The following SLC31A1 variants were observed in gnomAD, a reference collection of about 807,000 sequenced individuals.
The protein encoded by SLC31A1 is high affinity copper uptake protein 1.
In SLC31A1, 5 loss-of-function variants were observed where a neutral mutation model predicts 17.2. That is an observed-to-expected ratio of 0.29 (90% CI 0.15 to 0.61). The LOEUF (loss-of-function observed/expected upper bound fraction) is 0.61. SLC31A1 is among the 20% of genes least tolerant of loss of function. The pLI is 0.86. For synonymous variants in SLC31A1, 76 were observed against 78.8 expected, an observed-to-expected ratio of 0.96 and a Z score of 0.19; for missense variants, 161 against 241.4, an observed-to-expected ratio of 0.67 and a Z score of 2.21.
intron 1 of SLC31A1, chr9:113,227,257 T>G (rs904569322): frequency 6.6e-6 from 1 of 152,186 alleles, no homozygotes. Flanking sequence ...TTCTTTTTTC[T>G]TTTATTTTTT....
intron 1 of SLC31A1, among the ~76,000 whole-genome samples, chr9:113,253,870 CAGCT>C (rs1456623224): frequency 6.6e-6 from 1 of 151,498 alleles, no homozygotes; most frequent in African/African-American, 2.4e-5. Context: ...TTTCTTAAGC[CAGCT>C]GTCATAGAAC....
At chr9:113,240,855 G>T (rs555591959) in intron 1 of SLC31A1, among the ~76,000 whole-genome samples, 1 of 152,146 alleles carries the variant, frequency 6.6e-6, no homozygotes, top group South Asian at 2.1e-4. Flanking sequence ...TTTGAGACCA[G>T]CCTGGCCAAC....
In SLC31A1 at chr9:113,261,125, G is replaced by A. The variant is rs1477634927; in HGVS notation, c.*652G>A. The A allele has an allele frequency of 6.4e-6, 1 of 156,460 alleles. No individual in the cohort carries two copies. The highest frequency in any genetic ancestry group is 1.4e-5 in the Non-Finnish European group (1 of 70,570). 9.7% of individuals were successfully genotyped at this position (156,460 alleles called of 1,614,324 possible). The stretch of plus-strand genomic sequence containing the variant: ...AAAAATACAAAAATTAGCCGGGCAT[G>A]GTGGTGGGCGCCTGTAATCCCAGCT... On this transcript the variant is annotated 3_prime_UTR_variant, in exon 5 of 5. Coordinates refer to ENST00000374212, the MANE Select transcript of SLC31A1 (RefSeq NM_001859.4).
intron 1 of SLC31A1, among the ~76,000 whole-genome samples, chr9:113,250,439 A>G (rs1402579788): frequency 1.3e-5 from 2 of 150,392 alleles, no homozygotes; most frequent in African/African-American, 4.9e-5. Flanking sequence ...CAAAAAACCA[A>G]ACACCGCATA....
chr9:113,237,179 TTAGAGG>T (rs1398901706), intron 1 of SLC31A1, among the ~76,000 whole-genome samples: 1 of 152,156 alleles, frequency 6.6e-6, no homozygotes, highest in Non-Finnish European at 1.5e-5. Flanking sequence ...TTAGAGCCAC[TTAGAGG>T]TAGAGCAGCC....
Position 113,258,638 on chromosome 9 carries a change from G to T in SLC31A1, c.203-56G>T. ...TGTCTTTCTAGCTGGACAGCACATT[G>T]GCTAATGATTTTGCACATGTTTGAC... On this transcript the variant is annotated intron_variant, in intron 3 of 4. Coordinates refer to ENST00000374212, the MANE Select transcript of SLC31A1 (RefSeq NM_001859.4). This position sits in a 1 kb window ranked among gnomAD's most constrained non-coding sequence, Gnocchi z 4.8. 6.3e-7 allele frequency: 1 copy of T among 1,581,370 alleles called. No homozygotes were observed. The highest frequency in any genetic ancestry group is 1.1e-5 in the South Asian group (1 of 90,270).
intron 1 of SLC31A1, among the ~76,000 whole-genome samples, chr9:113,251,384 T>C (rs1831650224): frequency 1.3e-5 from 2 of 151,856 alleles, no homozygotes; most frequent in Non-Finnish European, 2.9e-5. Flanking sequence ...ATGGCACCAC[T>C]GCACTCTAGC....
chr9:113,253,332 T>G (rs991025208), intron 1 of SLC31A1, among the ~76,000 whole-genome samples: 3 of 152,168 alleles, frequency 2.0e-5, no homozygotes, highest in Non-Finnish European at 2.9e-5. Flanking sequence ...GATCTCTCCA[T>G]CCTACCATAA....
At chr9:113,251,864 A>C (rs140569036) in intron 1 of SLC31A1, among the ~76,000 whole-genome samples, 3,139 of 152,300 alleles carry the variant, frequency 0.021, 56 homozygotes, top group Non-Finnish European at 0.029. Context: ...TTGAGCCTAC[A>C]GTGTATGTTT....
chr9:113,244,535 A>G (rs1564212054), intron 1 of SLC31A1, among the ~76,000 whole-genome samples: 1 of 152,210 alleles, frequency 6.6e-6, no homozygotes, highest in Non-Finnish European at 1.5e-5. Flanking sequence ...AGAGAGAATA[A>G]TATAAGGATT....
chr9:113,243,532 G>C (rs556812901), intron 1 of SLC31A1, among the ~76,000 whole-genome samples: 1 of 140,844 alleles, frequency 7.1e-6, no homozygotes, highest in South Asian at 2.4e-4. Flanking sequence ...ACCTTCAACC[G>C]ATATCTGGAG....
chr9:113,252,945 T>C (rs1831672582), intron 1 of SLC31A1, among the ~76,000 whole-genome samples: 2 of 133,482 alleles, frequency 1.5e-5, no homozygotes, highest in South Asian at 5.2e-4. Context: ...TCTTTTCTTT[T>C]CTTTTTTTCT....
rs1258393309 is a variant in SLC31A1 at position 113,261,262 on chromosome 9, C to CA, written c.*798dup. 5.3e-5 allele frequency: 8 copies of CA among 150,614 alleles called. No homozygotes were observed. The highest frequency in any genetic ancestry group is 7.4e-5 in the Non-Finnish European group (5 of 67,828). 9.3% of individuals were successfully genotyped at this position (150,614 alleles called of 1,614,324 possible). ...GGGTGACAAGAGTGAAACTCCATCT[C>CA]AAAAAAAAAGAAAAGAAGGTCCAGC... On this transcript the variant is annotated 3_prime_UTR_variant, in exon 5 of 5. Transcript: ENST00000374212.
intron 1 of SLC31A1, 104 bp downstream of exon 1, chr9:113,221,782 G>A (rs1295128649): frequency 1.6e-5 from 3 of 189,294 alleles, no homozygotes; most frequent in East Asian, 1.5e-4. Context: ...CTCCGCGGAA[G>A]GAGAAAGAGC....
intron 4 of SLC31A1, among the ~76,000 whole-genome samples, chr9:113,259,969 C>T (rs890190430): frequency 2.0e-5 from 3 of 152,278 alleles, no homozygotes; most frequent in Admixed American, 6.5e-5. Context: ...AGAGGGTTTA[C>T]GGCTTCCCTT....
chr9:113,233,972 A>G (rs1000653056), intron 1 of SLC31A1, among the ~76,000 whole-genome samples: 1 of 152,172 alleles, frequency 6.6e-6, no homozygotes, highest in Non-Finnish European at 1.5e-5. Flanking sequence ...GTTGTTGACT[A>G]TAGTCACCCT....
chr9:113,247,717 TATC>T (rs1831598151), intron 1 of SLC31A1, among the ~76,000 whole-genome samples: 2 of 152,034 alleles, frequency 1.3e-5, no homozygotes, highest in South Asian at 4.1e-4. Context: ...TTTGGAAAAA[TATC>T]ATACCATACT....
chr9:113,254,623 G>T (rs1316775555), intron 1 of SLC31A1, among the ~76,000 whole-genome samples: 7 of 152,252 alleles, frequency 4.6e-5, no homozygotes, highest in Non-Finnish European at 8.8e-5. Context: ...CCTGGGCCGG[G>T]CACGGTAGCT....
At chr9:113,221,717 A>T (rs1435713082) in intron 1 of SLC31A1, 39 bp downstream of exon 1, 1 of 271,422 alleles carries the variant, frequency 3.7e-6, no homozygotes, top group Admixed American at 5.0e-5. Flanking sequence ...ACCCCTGTGC[A>T]TGGGTACCGT....
Sources: allele counts gnomAD v4.1 joint callset (sites outside exome capture counted in the v4.1 genomes callset), GRCh38; gene constraint gnomAD v4.1.1; non-coding constraint Gnocchi (gnomAD v3.1); transcripts MANE v1.5; gene names NCBI Gene and HGNC (gene_info 2026-07-23, HGNC 2026-07-21).